Variants in TENM3 observed in about 807,000 individuals in gnomAD.
TENM3 encodes the protein teneurin transmembrane protein 3.
Under a neutral mutation model 255.1 loss-of-function variants are expected in TENM3, and 63 were observed. That is an observed-to-expected ratio of 0.25 (90% CI 0.20 to 0.30). The LOEUF is 0.30. Ranked by LOEUF, TENM3 falls within the 10% of genes least tolerant of loss-of-function variation. The pLI is 1.00. For missense variants in TENM3, 2,929 were observed against 3,461.1 expected (o/e 0.85, Z 3.86); for synonymous variants, 1,306 against 1,322.3 (o/e 0.99, Z 0.27).
intron 4 of TENM3, among the ~76,000 whole-genome samples, chr4:182,625,525 G>T (rs577423923): frequency 6.6e-6 from 1 of 152,038 alleles, no homozygotes; most frequent in Non-Finnish European, 1.5e-5. Context: ...TGTCTTCCAC[G>T]AAACCGGTCC....
At position 182,350,822 on chromosome 4, in the gene TENM3, T is replaced by C. The variant is rs529051950; in HGVS notation, c.511+3893T>C. Among the ~76,000 whole-genome samples the C allele has an allele frequency of 5.1e-4, 78 of 152,224 alleles. 1 individual carries two copies. Among genetic ancestry groups the C allele is most frequent in the East Asian group, 2.5e-3 (13 of 5,160 alleles). ...GCCTCAGCCTCCTGAGTAGCTGGGA[T>C]TACAGGTGCACAACACCACGCCCAG... is the stretch of plus-strand genomic sequence containing the variant. On this transcript the variant is annotated intron_variant, in intron 3 of 27. Coordinates refer to ENST00000511685, the MANE Select transcript of TENM3 (RefSeq NM_001080477.4).
intron 1 of TENM3, among the ~76,000 whole-genome samples, chr4:182,175,314 A>AAATATATATAT (rs60217194): frequency 8.5e-6 from 1 of 117,592 alleles, no homozygotes; most frequent in African/African-American, 3.3e-5. Context: ...AAAAAAAAAA[A>AAATATATATAT]ATATATATAT....
At chr4:182,164,768 A>G (rs1342572902) in intron 1 of TENM3, among the ~76,000 whole-genome samples, 1 of 152,138 alleles carries the variant, frequency 6.6e-6, no homozygotes, top group Non-Finnish European at 1.5e-5. Context: ...TATTGGTTGA[A>G]TGAGCAAATG....
chr4:181,700,223 T>G, the TENM3 span, among the ~76,000 whole-genome samples: 1 of 95,542 alleles, frequency 1.0e-5, no homozygotes, highest in Non-Finnish European at 2.1e-5. Flanking sequence ...TTATTTTATT[T>G]CAGGGTCTTT....
At chr4:182,295,261 C>CTTTTTTTTTTTT (rs752005972) in intron 1 of TENM3, among the ~76,000 whole-genome samples, 1 of 70,440 alleles carries the variant, frequency 1.4e-5, no homozygotes, top group African/African-American at 6.8e-5. Context: ...CTTTGCTTTT[C>CTTTTTTTTTTTT]TTTTTTTTTT....
intron 1 of TENM3, among the ~76,000 whole-genome samples, chr4:182,237,922 A>G (rs1417900327): frequency 1.3e-5 from 2 of 152,240 alleles, no homozygotes; most frequent in South Asian, 2.1e-4. Context: ...GGAATTTTGG[A>G]AAATTTTCAA....
At chr4:182,108,757 A>C in the TENM3 span, among the ~76,000 whole-genome samples, 110 of 152,268 alleles carry the variant, frequency 7.2e-4, 2 homozygotes, top group East Asian at 0.019. Flanking sequence ...AAAACTCAAA[A>C]TGTGGTCTCT....
chr4:181,714,606 G>A, the TENM3 span, among the ~76,000 whole-genome samples: 1 of 152,160 alleles, frequency 6.6e-6, no homozygotes. Context: ...ATATTTTCTT[G>A]CTTTCTCCTC....
At chr4:182,436,461 T>C (rs1417367276) in intron 3 of TENM3, among the ~76,000 whole-genome samples, 2 of 152,202 alleles carry the variant, frequency 1.3e-5, no homozygotes, top group African/African-American at 4.8e-5. Context: ...TAATCTCTTC[T>C]GTTAGGAAAC....
intron 3 of TENM3, among the ~76,000 whole-genome samples, chr4:182,567,635 T>C (rs1316260948): frequency 6.6e-6 from 1 of 152,112 alleles, no homozygotes; most frequent in African/African-American, 2.4e-5. Flanking sequence ...GGCAGACTTC[T>C]TCCTGCTTAA....
chr4:181,576,980 AT>A, the TENM3 span, among the ~76,000 whole-genome samples: 4 of 130,570 alleles, frequency 3.1e-5, no homozygotes, highest in Non-Finnish European at 6.3e-5. Flanking sequence ...CACCCGGCTA[AT>A]ATTATATATA....
chr4:181,881,704 T>C, the TENM3 span, among the ~76,000 whole-genome samples: 1 of 152,104 alleles, frequency 6.6e-6, no homozygotes, highest in Non-Finnish European at 1.5e-5. Flanking sequence ...CCTGGAGACT[T>C]ACAGAACTAT....
intron 16 of TENM3, among the ~76,000 whole-genome samples, chr4:182,734,825 C>T (rs990880717): frequency 6.6e-6 from 1 of 152,036 alleles, no homozygotes; most frequent in Non-Finnish European, 1.5e-5. Context: ...AAATCAAGTA[C>T]AACACATGAT....
the TENM3 span, among the ~76,000 whole-genome samples, chr4:181,479,434 C>A: frequency 6.6e-6 from 1 of 152,128 alleles, no homozygotes; most frequent in African/African-American, 2.4e-5. Flanking sequence ...TGGTCTTTGC[C>A]AGAGGACTTA....
At chr4:182,476,970 G>A (rs1186851829) in intron 3 of TENM3, among the ~76,000 whole-genome samples, 1 of 152,132 alleles carries the variant, frequency 6.6e-6, no homozygotes, top group Non-Finnish European at 1.5e-5. Flanking sequence ...TGTTTATAAG[G>A]TTCTCCATGC....
chr4:182,161,661 AC>A (rs1227691280), intron 1 of TENM3, among the ~76,000 whole-genome samples: 4 of 107,980 alleles, frequency 3.7e-5, no homozygotes, highest in Admixed American at 9.9e-5. Flanking sequence ...ATACACACAC[AC>A]AAATATATAT....
the TENM3 span, among the ~76,000 whole-genome samples, chr4:182,026,519 C>T: frequency 6.6e-6 from 1 of 152,120 alleles, no homozygotes; most frequent in South Asian, 2.1e-4. Context: ...TGGGGTATTA[C>T]CCAAGAAATA....
At chr4:181,698,213 C>CAAAA in the TENM3 span, among the ~76,000 whole-genome samples, 1 of 119,484 alleles carries the variant, frequency 8.4e-6, no homozygotes, top group African/African-American at 3.2e-5. Context: ...GACTCTGTCT[C>CAAAA]AAAAAAAAAA....
At chr4:181,736,486 GA>G in the TENM3 span, among the ~76,000 whole-genome samples, 1 of 151,814 alleles carries the variant, frequency 6.6e-6, no homozygotes, top group African/African-American at 2.4e-5. Context: ...CACGAGTATA[GA>G]AAACATGGCA....
Sources: allele counts gnomAD v4.1 joint callset (sites outside exome capture counted in the v4.1 genomes callset), GRCh38; gene constraint gnomAD v4.1.1; transcripts MANE v1.5; gene names NCBI Gene and HGNC (gene_info 2026-07-23, HGNC 2026-07-21).